Variants in TRIM49B observed in about 807,000 individuals in gnomAD.
TRIM49B encodes the protein putative tripartite motif-containing protein 49B.
Under a neutral mutation model 31.8 loss-of-function variants are expected in TRIM49B, and 18 were observed. That is an observed-to-expected ratio of 0.57 (90% CI 0.39 to 0.84). The LOEUF (loss-of-function observed/expected upper bound fraction) is 0.84, where lower values mean the gene tolerates loss of function less well. Among genes scored for constraint, TRIM49B ranks in the 40% least tolerant of loss-of-function variants. The pLI, the probability that TRIM49B is intolerant of heterozygous loss-of-function variation, is 0.00. For missense variants in TRIM49B, 494 were observed against 538.7 expected (o/e 0.92, Z 0.82); for synonymous variants, 196 against 180.6 (o/e 1.09, Z -0.68).
At chr11:49,035,024 C>T in intron 4 of TRIM49B, 71 bp from the exon 5 acceptor site, 1 of 1,593,822 alleles carries the variant, frequency 6.3e-7, no homozygotes, top group Non-Finnish European at 8.6e-7. Flanking sequence ...GAGTACAAAT[C>T]TCACACTGAA....
chr11:49,038,005 A>T lies in TRIM49B; in HGVS notation c.*28A>T, dbSNP rs745675748. 1 of 1,592,672 alleles carries T rather than the reference A, an allele frequency of 6.3e-7. No individual in the cohort carries two copies. Among genetic ancestry groups the T allele is most frequent in the African/African-American group, 1.3e-5 (1 of 74,102 alleles). On this transcript the variant is annotated 3_prime_UTR_variant, in exon 7 of 7. Coordinates refer to ENST00000332682, the MANE Select transcript of TRIM49B (RefSeq NM_001206626.2). ...AGAGACAAATCAGAAATGTGTTCACATGCTGTGGGAACCCCTTTATCCCAG... is the reference window on the plus strand; with the variant it reads ...AGAGACAAATCAGAAATGTGTTCACTTGCTGTGGGAACCCCTTTATCCCAG...
chr11:49,036,622 A>G (rs572738394), intron 6 of TRIM49B, among the ~76,000 whole-genome samples: 1 of 152,318 alleles, frequency 6.6e-6, no homozygotes, highest in African/African-American at 2.4e-5. Flanking sequence ...CATAATATGT[A>G]CTGAGTTATA....
Position 49,034,199 on chromosome 11 carries a change from T to C in TRIM49B, c.561T>C (p.Pro187=), listed in dbSNP as rs2727042. The change falls in exon 4 of 7, where the codon CCT becomes CCC. Residue 187 remains proline, a synonymous_variant. Transcript: ENST00000332682. ...TTAGAGCTGAGTATCAGAAGATGCC[T>C]GCATTTCACCATGAAGAAGAAAAAC... is the stretch of plus-strand genomic sequence containing the variant. ...EAIRAEYQKM[P]AFHHEEEKHN... 0.65 allele frequency: 1,039,995 copies of C among 1,611,622 alleles called. 341,780 individuals carry two copies. Among genetic ancestry groups the C allele is most frequent in the Non-Finnish European group, 0.68 (804,483 of 1,179,766 alleles).
At chr11:49,032,746 G>A (rs1854470345) in intron 3 of TRIM49B, among the ~76,000 whole-genome samples, 1 of 152,168 alleles carries the variant, frequency 6.6e-6, no homozygotes, top group South Asian at 2.1e-4. Context: ...ACTTCTGAGT[G>A]TCAGTCAGCA....
chr11:49,035,333 T>G (rs1257621974), intron 5 of TRIM49B, among the ~76,000 whole-genome samples: 1 of 141,332 alleles, frequency 7.1e-6, no homozygotes, highest in Non-Finnish European at 1.5e-5. Flanking sequence ...AACAATTTGA[T>G]TCCTGATTTT....
intron 4 of TRIM49B, among the ~76,000 whole-genome samples, chr11:49,034,799 A>C (rs1260097024): frequency 1.3e-5 from 2 of 152,198 alleles, no homozygotes; most frequent in Non-Finnish European, 2.9e-5. Context: ...GTTCAGTTAA[A>C]GATGACTGAG....
rs746799525 is a variant in TRIM49B, at chr11:49,035,071, C to T, written c.739-24C>T. 28 of 1,510,916 alleles carry T rather than the reference C, an allele frequency of 1.9e-5. No individual in the cohort carries two copies. The Admixed American group carries it at 5.6e-4, about 30-fold the overall frequency. The allele number at this position is 1,510,916 out of a possible 1,614,324, so 93.6% of individuals were successfully genotyped here. On this transcript the variant is annotated intron_variant, in intron 4 of 6. Transcript: ENST00000332682. ...ATGCATCTTGTGAAATGCACTAAAT[C>T]TCTCTTTTTTTTTTTTTTTTCAGGC...
intron 1 of TRIM49B, among the ~76,000 whole-genome samples, chr11:49,030,874 G>A (rs1854435169): frequency 6.6e-6 from 1 of 152,010 alleles, no homozygotes; most frequent in Non-Finnish European, 1.5e-5. Flanking sequence ...CAGCCCTAGG[G>A]GAAGTTAATT....
chr11:49,033,319 G>C (rs1252841127), intron 3 of TRIM49B, among the ~76,000 whole-genome samples: 1 of 152,076 alleles, frequency 6.6e-6, no homozygotes, highest in African/African-American at 2.4e-5. Flanking sequence ...TAGTGTTTGA[G>C]TTTTAAATAG....
intron 2 of TRIM49B, 76 bp downstream of exon 2, chr11:49,032,086 G>T: frequency 6.2e-7 from 1 of 1,609,390 alleles, no homozygotes; most frequent in Non-Finnish European, 8.5e-7. Flanking sequence ...TTGGAGATTG[G>T]ATAAAACAAA....
rs1854531101 is a variant in TRIM49B at position 49,036,387 on chromosome 11, A to T, written c.848A>T (p.Asn283Ile). Residue 283 changes from asparagine to isoleucine, a missense_variant, in exon 6 of 7, where the codon AAC becomes ATC. Transcript: ENST00000332682. ...GPITGLRDRL[N>I]QFRVHITLHH... ...ATCACTGGACTGAGGGACAGGCTCA[A>T]CCAATTCCGAGGTAAGTCTCCACCC... The T allele has an allele frequency of 6.4e-7, 1 of 1,558,248 alleles. No individual in the cohort carries two copies. Among genetic ancestry groups the T allele is most frequent in the East Asian group, 2.3e-5 (1 of 43,220 alleles).
Position 49,037,726 on chromosome 11 carries a change from A to G in TRIM49B, c.1108A>G (p.Lys370Glu). ...TTGGAAAGAGAAGAATCAGAATGAGAAGATAGATGGAGAGGATGGACTCTT... is the reference window on the plus strand; with the variant it reads ...TTGGAAAGAGAAGAATCAGAATGAGGAGATAGATGGAGAGGATGGACTCTT... ...MYWKEKNQNE[K>E]IDGEDGLFLL... The change falls in exon 7 of 7, where the codon AAG becomes GAG. Residue 370 changes from lysine (K) to glutamate (E), a missense_variant. Lys to Glu is a moderately conservative substitution (Grantham distance 56). Coordinates refer to ENST00000332682, the MANE Select transcript of TRIM49B (RefSeq NM_001206626.2). The G allele has an allele frequency of 6.2e-7, 1 of 1,613,906 alleles. No individual in the cohort carries two copies. Among genetic ancestry groups the G allele is most frequent in the African/African-American group, 1.3e-5 (1 of 75,012 alleles).
chr11:49,030,874 G>T (rs1854435169), intron 1 of TRIM49B, among the ~76,000 whole-genome samples: 1 of 151,892 alleles, frequency 6.6e-6, no homozygotes, highest in African/African-American at 2.4e-5. Flanking sequence ...CAGCCCTAGG[G>T]GAAGTTAATT....
At chr11:49,029,294 A>G (rs1854418705) in intron 1 of TRIM49B, among the ~76,000 whole-genome samples, 1 of 152,190 alleles carries the variant, frequency 6.6e-6, no homozygotes, top group East Asian at 1.9e-4. Flanking sequence ...AATATTGTCA[A>G]ATTGAATTGA....
chr11:49,031,644 C>T lies in TRIM49B; in HGVS notation c.45C>T (p.Cys15=), dbSNP rs1854447994. 1.9e-6 allele frequency: 3 copies of T among 1,613,820 alleles called. No homozygotes were observed. The highest frequency in any genetic ancestry group is 1.7e-5 in the Admixed American group (1 of 59,980). ...AGGTCTTTCAGAGGGAACTCATCTG[C>T]CCCATCTGCATGAACTACTTCATAG... ...ILQVFQRELI[C]PICMNYFIDP... Residue 15 remains cysteine, a synonymous_variant, in exon 2 of 7, where the codon TGC becomes TGT. Coordinates refer to ENST00000332682, the MANE Select transcript of TRIM49B (RefSeq NM_001206626.2).
chr11:49,034,514 G>C, intron 4 of TRIM49B, 138 bp downstream of exon 4: 1 of 1,579,940 alleles, frequency 6.3e-7, no homozygotes. Flanking sequence ...ATGCTACTTT[G>C]TTGGGAGAGT....
chr11:49,031,616 T>C lies in TRIM49B; in HGVS notation c.17T>C (p.Leu6Ser), dbSNP rs1447598045. Residue 6 changes from leucine (L) to serine (S), a missense_variant, in exon 2 of 7, where the codon TTA becomes TCA. Transcript: ENST00000332682. The stretch of plus-strand genomic sequence containing the variant: ...CTCAGAAACATGAATTCTGGAATCT[T>C]ACAGGTCTTTCAGAGGGAACTCATC... MNSGI[L>S]QVFQRELICP... The C allele has an allele frequency of 1.2e-6, 2 of 1,613,790 alleles. No individual in the cohort carries two copies. The highest frequency in any genetic ancestry group is 1.7e-6 in the Non-Finnish European group (2 of 1,179,860).
chr11:49,035,339 ATTTTTTTTTTTTTTTTTT>A (rs1162056301), intron 5 of TRIM49B, among the ~76,000 whole-genome samples: 47 of 56,808 alleles, frequency 8.3e-4, no homozygotes, highest in African/African-American at 3.0e-3. Context: ...TTGATTCCTG[ATTTTTTTTTTTTTTTTTT>A]TTTTTTTTTT....
In TRIM49B at chr11:49,038,064, C is replaced by G. The variant is rs1175446785; in HGVS notation, c.*87C>G. 2.6e-6 allele frequency: 4 copies of G among 1,558,520 alleles called. No homozygotes were observed. The highest frequency in any genetic ancestry group is 1.4e-5 in the African/African-American group (1 of 72,212). ...CTTCCTTGTGCCTTAACATACAGGA[C>G]AAATAGGCTCTATTTTATATCTTGA... is the stretch of plus-strand genomic sequence containing the variant. On this transcript the variant is annotated 3_prime_UTR_variant, in exon 7 of 7. Transcript: ENST00000332682.
Sources: gnomAD v4.1 joint callset for allele counts (sites outside exome capture counted in the v4.1 genomes callset) on GRCh38, gnomAD v4.1.1 for gene constraint, MANE v1.5 for transcripts, NCBI Gene and HGNC (gene_info 2026-07-23, HGNC 2026-07-21) for gene names.